Variants in PPM1E observed in about 807,000 individuals in gnomAD.
PPM1E encodes the protein protein phosphatase, Mg2+/Mn2+ dependent 1E, also known as protein phosphatase 1E.
A neutral mutation model predicts 65.9 loss-of-function variants in PPM1E; 20 were observed. That is an observed-to-expected ratio of 0.30 (90% CI 0.21 to 0.44). The LOEUF (loss-of-function observed/expected upper bound fraction) is 0.44, where lower values mean the gene tolerates loss of function less well. Ranked by LOEUF, PPM1E falls within the 20% of genes least tolerant of loss-of-function variation. The probability of loss-of-function intolerance (pLI) is 1.00; values close to 1 mark genes in which losing one functional copy is unlikely to be tolerated. For synonymous variants in PPM1E, 352 were observed against 374.9 expected, an observed-to-expected ratio of 0.94 and a Z score of 0.70; for missense variants, 713 against 953.1, an observed-to-expected ratio of 0.75 and a Z score of 3.32.
chr17:58,819,445 G>A (rs1030302429), intron 1 of PPM1E, among the ~76,000 whole-genome samples: 4 of 152,160 alleles, frequency 2.6e-5, no homozygotes, highest in African/African-American at 9.7e-5. Flanking sequence ...CACTGTGGCC[G>A]GCCCGCCATA....
rs1163979989 is a variant in PPM1E, at chr17:58,805,949, T to TAAA, written c.464+49497_464+49499dup. Among the ~76,000 whole-genome samples, 87 of 21,544 alleles carry TAAA rather than the reference T, an allele frequency of 4.0e-3. 9 individuals carry two copies. Among genetic ancestry groups the TAAA allele is most frequent in the Non-Finnish European group, 5.3e-3 (60 of 11,302 alleles). The allele number at this position is 21,544 out of a possible 152,430, so 14.1% of individuals were successfully genotyped here. On this transcript the variant is annotated intron_variant, in intron 1 of 6. Transcript: ENST00000308249. ...TAATAGGAGGTTCAGGCTGTTCTGCTAAAAAAAAAAACAAAAAAAAAAAAC... is the reference window on the plus strand; with the variant it reads ...TAATAGGAGGTTCAGGCTGTTCTGCTAAAAAAAAAAAAAACAAAAAAAAAAAAC...
At chr17:58,881,026 ACG>A (rs1487018393) in intron 1 of PPM1E, among the ~76,000 whole-genome samples, 1 of 152,196 alleles carries the variant, frequency 6.6e-6, no homozygotes, top group Non-Finnish European at 1.5e-5. Context: ...GTAGAATGTT[ACG>A]CAGCAAGTAA....
chr17:58,781,404 G>T (rs2050048384), intron 1 of PPM1E, among the ~76,000 whole-genome samples: 1 of 151,878 alleles, frequency 6.6e-6, no homozygotes, highest in African/African-American at 2.4e-5. Flanking sequence ...GCCTCCCAAA[G>T]TTCTAGGATT....
intron 1 of PPM1E, among the ~76,000 whole-genome samples, chr17:58,934,205 G>A (rs2051945078): frequency 6.6e-6 from 1 of 151,214 alleles, no homozygotes; most frequent in Admixed American, 6.6e-5. Context: ...TATAAGTCTT[G>A]TAATAGTACA....
intron 1 of PPM1E, among the ~76,000 whole-genome samples, chr17:58,787,905 TAAA>T (rs1284840531): frequency 8.7e-6 from 1 of 114,388 alleles, no homozygotes. Context: ...AGACTCTGTC[TAAA>T]AAAAAAAAAA....
rs771199527 is a variant in PPM1E at position 58,965,684 on chromosome 17, T to C, written c.584-10T>C. On this transcript the variant is annotated splice_polypyrimidine_tract_variant and intron_variant, in intron 2 of 6. Transcript: ENST00000308249. Reference sequence around the variant, plus strand: ...GCTCTTCATTGGGGGTTTCTGTGTTTCTTTCACAGAGATTGAGACAGTGAA... The same window carrying C: ...GCTCTTCATTGGGGGTTTCTGTGTTCCTTTCACAGAGATTGAGACAGTGAA... 1.2e-6 allele frequency: 2 copies of C among 1,610,404 alleles called. No homozygotes were observed. The highest frequency in any genetic ancestry group is 2.2e-5 in the South Asian group (2 of 91,034).
intron 1 of PPM1E, among the ~76,000 whole-genome samples, chr17:58,872,359 G>A (rs985374258): frequency 1.3e-5 from 2 of 152,032 alleles, no homozygotes; most frequent in Non-Finnish European, 2.9e-5. Context: ...TACCAAGCTG[G>A]GAGGTTCAGA....
chr17:58,942,112 G>A (rs953854105), intron 1 of PPM1E, among the ~76,000 whole-genome samples: 1 of 150,312 alleles, frequency 6.7e-6, no homozygotes, highest in Non-Finnish European at 1.5e-5. Context: ...ATAGCTGGGT[G>A]CAGTGGCTCA....
intron 6 of PPM1E, among the ~76,000 whole-genome samples, chr17:58,973,189 G>A (rs993204239): frequency 1.3e-5 from 2 of 152,052 alleles, no homozygotes; most frequent in African/African-American, 2.4e-5. Context: ...AGGCCGAGGC[G>A]GGTGTATCAC....
At chr17:58,959,309 CAAAAAAAA>C (rs71145509) in intron 2 of PPM1E, among the ~76,000 whole-genome samples, 1 of 57,126 alleles carries the variant, frequency 1.8e-5, no homozygotes, top group East Asian at 6.6e-4. Flanking sequence ...GACTCCGTCT[CAAAAAAAA>C]AAAAAAAAAA....
chr17:58,873,529 A>G (rs931688537), intron 1 of PPM1E, among the ~76,000 whole-genome samples: 15 of 151,234 alleles, frequency 9.9e-5, no homozygotes, highest in Middle Eastern at 3.4e-3. Context: ...CAAGACTGAA[A>G]CTTGATCTTG....
Position 58,805,259 on chromosome 17 carries a change from C to CT in PPM1E, c.464+48806dup, listed in dbSNP as rs1259729878. Among the ~76,000 whole-genome samples the CT allele has an allele frequency of 3.3e-5, 5 of 151,568 alleles. No individual in the cohort carries two copies. The East Asian group carries it at 5.8e-4, about 18-fold the overall frequency. ...ACCCAATGTGTAGTCTTTCTTTTTT[C>CT]TTTTTTTTGATACAGAGTTTCACTC... On this transcript the variant is annotated intron_variant, in intron 1 of 6. Coordinates refer to ENST00000308249, the MANE Select transcript of PPM1E (RefSeq NM_014906.5).
chr17:58,963,069 A>C (rs1483151986), intron 2 of PPM1E, among the ~76,000 whole-genome samples: 1 of 151,412 alleles, frequency 6.6e-6, no homozygotes, highest in African/African-American at 2.4e-5. Context: ...AGCCTGGGCA[A>C]CAGAGAGAGA....
intron 1 of PPM1E, among the ~76,000 whole-genome samples, chr17:58,922,685 A>G (rs1598651563): frequency 7.6e-6 from 1 of 131,794 alleles, no homozygotes; most frequent in African/African-American, 2.8e-5. Flanking sequence ...GTCTTGAAGT[A>G]CTTTTTTTTT....
intron 1 of PPM1E, among the ~76,000 whole-genome samples, chr17:58,889,857 G>A (rs995827182): frequency 6.6e-6 from 1 of 152,134 alleles, no homozygotes; most frequent in Non-Finnish European, 1.5e-5. Context: ...TAAAGGCTAT[G>A]CATAATAAGC....
intron 1 of PPM1E, among the ~76,000 whole-genome samples, chr17:58,886,145 C>T (rs940147797): frequency 2.6e-5 from 4 of 152,100 alleles, no homozygotes; most frequent in African/African-American, 7.2e-5. Flanking sequence ...CTATGTACTC[C>T]CTCTTCTATT....
chr17:58,942,889 A>C (rs1264350976), intron 1 of PPM1E, among the ~76,000 whole-genome samples: 4 of 151,992 alleles, frequency 2.6e-5, no homozygotes, highest in Non-Finnish European at 5.9e-5. Flanking sequence ...TGCCTGATGC[A>C]GTGGCTCTCT....
chr17:58,953,543 A>C (rs2052269670), intron 1 of PPM1E, among the ~76,000 whole-genome samples: 1 of 152,212 alleles, frequency 6.6e-6, no homozygotes, highest in African/African-American at 2.4e-5. Context: ...GACCCAAACC[A>C]GGCCCCACCT....
intron 1 of PPM1E, among the ~76,000 whole-genome samples, chr17:58,903,055 G>A (rs574406798): frequency 3.3e-5 from 5 of 152,168 alleles, no homozygotes; most frequent in South Asian, 2.1e-4. Context: ...CAAGAGTAGC[G>A]CAAAAACCTA....
Sources: gnomAD v4.1 joint callset for allele counts (sites outside exome capture counted in the v4.1 genomes callset) on GRCh38, gnomAD v4.1.1 for gene constraint, MANE v1.5 for transcripts, NCBI Gene and HGNC (gene_info 2026-07-23, HGNC 2026-07-21) for gene names.